Variants in WBP1L observed in about 807,000 individuals in gnomAD.
WBP1L encodes WW domain binding protein 1-like.
In WBP1L, 17 loss-of-function variants were observed where a neutral mutation model predicts 33.7. The ratio of observed to expected loss-of-function variants is 0.50; its 90% CI spans 0.34 to 0.76. The LOEUF (loss-of-function observed/expected upper bound fraction) is 0.76, where lower values mean the gene tolerates loss of function less well. Among genes scored for constraint, WBP1L ranks in the 30% least tolerant of loss-of-function variants. WBP1L has a pLI of 0.01. For missense variants in WBP1L, 389 were observed against 469.4 expected, an observed-to-expected ratio of 0.83 and a Z score of 1.58; for synonymous variants, 173 against 190.8, an observed-to-expected ratio of 0.91 and a Z score of 0.77.
intron 1 of WBP1L, among the ~76,000 whole-genome samples, chr10:102,768,780 C>T (rs1303650318): frequency 4.1e-5 from 6 of 146,672 alleles, no homozygotes; most frequent in African/African-American, 1.3e-4. Flanking sequence ...CTCCACCTCC[C>T]GGGTTCATGC....
chr10:102,792,549 T>C (rs1843515529), intron 1 of WBP1L, among the ~76,000 whole-genome samples: 1 of 152,070 alleles, frequency 6.6e-6, no homozygotes, highest in Admixed American at 6.6e-5. Context: ...CTGCCTGCGA[T>C]GTTCTTCCCT....
intron 1 of WBP1L, among the ~76,000 whole-genome samples, chr10:102,772,257 CTTTTTTTTT>C (rs34766191): frequency 1.6e-5 from 1 of 61,024 alleles, no homozygotes; most frequent in African/African-American, 6.9e-5. Context: ...TGCGCCCGGC[CTTTTTTTTT>C]TTTTTTTTTT....
At chr10:102,810,083 C>G in intron 3 of WBP1L, 29 bp downstream of exon 3, 1 of 1,584,006 alleles carries the variant, frequency 6.3e-7, no homozygotes, top group Non-Finnish European at 8.6e-7. Flanking sequence ...CCATACCCAC[C>G]CTCAGGAGCT....
rs1472848589 is a variant in WBP1L, at chr10:102,744,037, G to A, written c.-17G>A. On this transcript the variant is annotated 5_prime_UTR_variant, in exon 1 of 4. Transcript: ENST00000448841. ...GAGGTGGCGGCGCCGTGGCGGAGGA[G>A]CAGGAGCAGGAGGGGGATGGAGAGG... 1 of 1,539,106 alleles carries A rather than the reference G, an allele frequency of 6.5e-7. No individual in the cohort carries two copies. The highest frequency in any genetic ancestry group is 1.4e-5 in the African/African-American group (1 of 72,910).
intron 2 of WBP1L, among the ~76,000 whole-genome samples, chr10:102,809,118 C>T (rs1843787268): frequency 6.6e-6 from 1 of 152,192 alleles, no homozygotes; most frequent in East Asian, 1.9e-4. Flanking sequence ...GTCTTGCTCA[C>T]CCAGGCTGGA....
intron 1 of WBP1L, among the ~76,000 whole-genome samples, chr10:102,766,902 C>G (rs1371472904): frequency 6.6e-6 from 1 of 151,250 alleles, no homozygotes; most frequent in African/African-American, 2.5e-5. Context: ...CTACATCCCT[C>G]CTTTTGTTCT....
At chr10:102,785,333 G>A (rs1272747447) in intron 1 of WBP1L, among the ~76,000 whole-genome samples, 2 of 151,848 alleles carry the variant, frequency 1.3e-5, no homozygotes, top group East Asian at 1.9e-4. Context: ...GACTACAGGC[G>A]CCTGCCACCA....
intron 1 of WBP1L, among the ~76,000 whole-genome samples, chr10:102,759,080 A>C (rs1480804601): frequency 6.6e-6 from 1 of 152,212 alleles, no homozygotes; most frequent in Non-Finnish European, 1.5e-5. Context: ...GACTGTGGGC[A>C]GGCCTGGATA....
chr10:102,795,694 A>G (rs1843564072), intron 1 of WBP1L, among the ~76,000 whole-genome samples: 1 of 152,228 alleles, frequency 6.6e-6, no homozygotes, highest in African/African-American at 2.4e-5. Context: ...TGCCAAGTGT[A>G]GGCACCACTG....
chr10:102,790,680 T>C (rs1843484370), intron 1 of WBP1L, among the ~76,000 whole-genome samples: 1 of 151,934 alleles, frequency 6.6e-6, no homozygotes, highest in African/African-American at 2.4e-5. Flanking sequence ...CCAGCTAATT[T>C]TTTTGTATTT....
At chr10:102,782,663 A>C (rs895113565) in intron 1 of WBP1L, among the ~76,000 whole-genome samples, 3 of 152,036 alleles carry the variant, frequency 2.0e-5, no homozygotes, top group Non-Finnish European at 4.4e-5. Flanking sequence ...CTCTGTAGCC[A>C]TTGTTTCTCT....
At chr10:102,763,961 G>A (rs1422957991) in intron 1 of WBP1L, among the ~76,000 whole-genome samples, 1 of 152,080 alleles carries the variant, frequency 6.6e-6, no homozygotes, top group Non-Finnish European at 1.5e-5. Context: ...CTATAGGTGT[G>A]CGCCACCACG....
At chr10:102,781,297 A>G (rs948374263) in intron 1 of WBP1L, among the ~76,000 whole-genome samples, 5 of 152,186 alleles carry the variant, frequency 3.3e-5, no homozygotes, top group Admixed American at 6.5e-5. Context: ...CCGGCTTCCA[A>G]TTTAACCCCT....
chr10:102,808,188 AG>A (rs1172241270), intron 2 of WBP1L, among the ~76,000 whole-genome samples: 1 of 152,236 alleles, frequency 6.6e-6, no homozygotes, highest in Non-Finnish European at 1.5e-5. Context: ...TCAGAAAAAA[AG>A]AAAATTAATT....
At chr10:102,760,412 T>G (rs113040645) in intron 1 of WBP1L, among the ~76,000 whole-genome samples, 1 of 150,592 alleles carries the variant, frequency 6.6e-6, no homozygotes, top group Non-Finnish European at 1.5e-5. Flanking sequence ...GTTTTGCTCT[T>G]GTAGCCCAGG....
chr10:102,787,076 A>G (rs564287675), intron 1 of WBP1L, among the ~76,000 whole-genome samples: 2 of 152,306 alleles, frequency 1.3e-5, no homozygotes, highest in East Asian at 3.9e-4. Context: ...GTTCTTTTGG[A>G]AAACTACTGA....
chr10:102,758,405 C>T (rs1843002282), intron 1 of WBP1L, among the ~76,000 whole-genome samples: 1 of 152,204 alleles, frequency 6.6e-6, no homozygotes, highest in Admixed American at 6.5e-5. Context: ...GGCAACCACT[C>T]ATCTACTTCC....
intron 2 of WBP1L, among the ~76,000 whole-genome samples, chr10:102,801,052 C>T (rs1448627114): frequency 6.6e-6 from 1 of 152,034 alleles, no homozygotes; most frequent in Non-Finnish European, 1.5e-5. Context: ...TTCTCACACA[C>T]ATACTTACAC....
chr10:102,813,166 T>C lies in WBP1L; in HGVS notation c.927T>C (p.His309=), dbSNP rs1401521358. 3.1e-6 allele frequency: 5 copies of C among 1,614,004 alleles called. No homozygotes were observed. The highest frequency in any genetic ancestry group is 4.5e-5 in the East Asian group (2 of 44,862). The change falls in exon 4 of 4, where the codon CAT becomes CAC. Residue 309 remains histidine (H), a synonymous_variant. Transcript: ENST00000448841. ...CCCTGGACTTCTGCGACAGCTGCCATGTGCGGCCCCCTGGTGATGAGGAGG... is the reference window on the plus strand; with the variant it reads ...CCCTGGACTTCTGCGACAGCTGCCACGTGCGGCCCCCTGGTGATGAGGAGG... ...DGPLDFCDSC[H]VRPPGDEEEG...
Sources: gnomAD v4.1 joint callset for allele counts (sites outside exome capture counted in the v4.1 genomes callset) on GRCh38, gnomAD v4.1.1 for gene constraint, MANE v1.5 for transcripts, NCBI Gene and HGNC (gene_info 2026-07-23, HGNC 2026-07-21) for gene names.